GAN: variants seen among roughly 807,000 people sequenced by gnomAD.
GAN encodes the protein gigaxonin.
A neutral mutation model predicts 71.3 loss-of-function variants in GAN; 48 were observed. That is an observed-to-expected ratio of 0.67 (90% CI 0.53 to 0.86). The LOEUF is 0.86. Ranked by LOEUF, GAN falls within the 40% of genes least tolerant of loss-of-function variation. GAN has a pLI of 0.00. For synonymous variants in GAN, 386 were observed against 276.8 expected, an observed-to-expected ratio of 1.39 and a Z score of -3.92; for missense variants, 928 against 770.1, an observed-to-expected ratio of 1.21 and a Z score of -2.43.
intron 9 of GAN, among the ~76,000 whole-genome samples, chr16:81,374,282 G>C (rs1371063192): frequency 2.6e-5 from 4 of 152,174 alleles, no homozygotes; most frequent in African/African-American, 4.8e-5. Context: ...GGTTAAGGTG[G>C]TATCTGTTAG....
At chr16:81,334,008 T>A (rs1235152597) in intron 1 of GAN, among the ~76,000 whole-genome samples, 2 of 152,238 alleles carry the variant, frequency 1.3e-5, no homozygotes, top group African/African-American at 2.4e-5. Context: ...AATTCACACT[T>A]GCCATGTTCT....
intron 1 of GAN, among the ~76,000 whole-genome samples, chr16:81,322,609 A>G (rs544618067): frequency 2.2e-4 from 34 of 152,364 alleles, no homozygotes; most frequent in Non-Finnish European, 4.7e-4. Context: ...TCTCTCAACT[A>G]CAAAGTTGTT....
intron 1 of GAN, among the ~76,000 whole-genome samples, chr16:81,331,503 C>CT (rs1171249802): frequency 6.6e-6 from 1 of 152,142 alleles, no homozygotes; most frequent in Admixed American, 6.5e-5. Context: ...TTTTTAAAAA[C>CT]TTTTTTAAAA....
At position 81,389,352 on chromosome 16, in the gene GAN, T is replaced by C. The variant is rs2150705074; in HGVS notation, c.*11756T>C. 1 of 152,354 alleles carries C rather than the reference T, an allele frequency of 6.6e-6. No individual in the cohort carries two copies. The highest frequency in any genetic ancestry group is 1.9e-4 in the East Asian group (1 of 5,190). The allele number at this position is 152,354 out of a possible 1,614,324, so 9.4% of individuals were successfully genotyped here. A position where few individuals can be genotyped will look rare whatever the true frequency, so the allele number is the denominator to read the frequency against. On this transcript the variant is annotated 3_prime_UTR_variant, in exon 11 of 11. Coordinates refer to ENST00000648994, the MANE Select transcript of GAN (RefSeq NM_022041.4). ...CCCTTTGTTTTTTGTATCATACCTT[T>C]TGTGAATTGTGACAACCATCCCGTA...
intron 1 of GAN, among the ~76,000 whole-genome samples, chr16:81,326,458 G>A (rs556302542): frequency 5.1e-4 from 78 of 152,278 alleles, no homozygotes; most frequent in African/African-American, 1.8e-3. Context: ...GTTTGAACCC[G>A]GGAGGCGGAG....
At chr16:81,340,533 C>G (rs753185032) in intron 1 of GAN, among the ~76,000 whole-genome samples, 1 of 152,114 alleles carries the variant, frequency 6.6e-6, no homozygotes, top group Non-Finnish European at 1.5e-5. Flanking sequence ...CACAGACCTG[C>G]AGCTGAGGGG....
Position 81,365,384 on chromosome 16 carries a change from C to A in GAN, c.1408C>A (p.Leu470Met). 1 of 1,613,534 alleles carries A rather than the reference C, an allele frequency of 6.2e-7. No homozygotes were observed. The change falls in exon 9 of 11, where the codon CTG becomes ATG. Residue 470 changes from leucine to methionine, a missense_variant. Physicochemically the swap from Leu to Met is conservative, Grantham distance 15. Coordinates refer to ENST00000648994, the MANE Select transcript of GAN (RefSeq NM_022041.4). ...GGTGGCCTGTGGAGTTGCTATGGAGCTGTATGTGTTTGGGGGAGTCCGAAG... is the reference window on the plus strand; with the variant it reads ...GGTGGCCTGTGGAGTTGCTATGGAGATGTATGTGTTTGGGGGAGTCCGAAG... The part of the protein sequence containing the change: ...GAVACGVAME[L>M]YVFGGVRSRE...
intron 5 of GAN, 80 bp downstream of exon 5, chr16:81,358,011 C>A: frequency 1.7e-6 from 2 of 1,195,556 alleles, no homozygotes; most frequent in South Asian, 1.2e-5. Flanking sequence ...TGACTCAGAG[C>A]CTTTTAAAGA....
intron 1 of GAN, among the ~76,000 whole-genome samples, chr16:81,322,983 T>A (rs1230693772): frequency 6.6e-6 from 1 of 152,170 alleles, no homozygotes; most frequent in Non-Finnish European, 1.5e-5. Context: ...TGAAAATCCT[T>A]AGAAAGTTCC....
intron 1 of GAN, among the ~76,000 whole-genome samples, chr16:81,334,456 T>G (rs1380638210): frequency 6.6e-6 from 1 of 152,168 alleles, no homozygotes; most frequent in South Asian, 2.1e-4. Flanking sequence ...CATCTCCGAA[T>G]CTTCCCAGGC....
At chr16:81,363,770 C>T (rs762822522) in intron 6 of GAN, 24 bp from the exon 7 acceptor site, 2 of 1,609,504 alleles carry the variant, frequency 1.2e-6, no homozygotes, top group South Asian at 2.2e-5. Context: ...CTTGTGTGTT[C>T]AGGGATCGCT....
At chr16:81,344,521 C>A (rs1178494625) in intron 1 of GAN, among the ~76,000 whole-genome samples, 1 of 152,142 alleles carries the variant, frequency 6.6e-6, no homozygotes, top group African/African-American at 2.4e-5. Flanking sequence ...GGAAAGATTC[C>A]CTATTTAATA....
Position 81,384,436 on chromosome 16 carries a change from T to G in GAN, c.*6840T>G, listed in dbSNP as rs1027589665. On this transcript the variant is annotated 3_prime_UTR_variant, in exon 11 of 11. Transcript: ENST00000648994. ...AGTCTTTAAAAGGCTGTTTTCATAA[T>G]GCAGAAAAGTAGTCTATTTAAACGC... 6.6e-6 allele frequency: 1 copy of G among 152,114 alleles called. No homozygotes were observed. The highest frequency in any genetic ancestry group is 1.5e-5 in the Non-Finnish European group (1 of 68,028). 9.4% of individuals were successfully genotyped at this position (152,114 alleles called of 1,614,324 possible).
intron 4 of GAN, 53 bp downstream of exon 4, chr16:81,357,055 C>A: frequency 9.7e-7 from 1 of 1,035,424 alleles, no homozygotes; most frequent in Non-Finnish European, 1.5e-6. Flanking sequence ...AGAGGTAGTT[C>A]CATGTAAACA....
intron 1 of GAN, among the ~76,000 whole-genome samples, chr16:81,346,091 A>T (rs1425546405): frequency 6.6e-6 from 1 of 152,288 alleles, no homozygotes; most frequent in East Asian, 1.9e-4. Context: ...TTTTGGAGAT[A>T]CCTCCTCTAA....
intron 1 of GAN, among the ~76,000 whole-genome samples, chr16:81,331,898 C>G (rs1011329698): frequency 1.3e-5 from 2 of 152,224 alleles, no homozygotes; most frequent in Non-Finnish European, 2.9e-5. Context: ...CGTGGTGGCT[C>G]ATGCCTGTAA....
chr16:81,362,743 C>G lies in GAN; in HGVS notation c.1086+132C>G, dbSNP rs1053749441. ...ACCTGCCTCATTCGCTCCAACCTCT[C>G]CTTCTAGTGCCCGGCTCTCCTCCCC... On this transcript the variant is annotated intron_variant, in intron 6 of 10. Transcript: ENST00000648994. 43 of 706,632 alleles carry G rather than the reference C, an allele frequency of 6.1e-5. No individual in the cohort carries two copies. In the African/African-American group the frequency reaches 6.3e-4, roughly 10 times the overall value. 43.8% of individuals were successfully genotyped at this position (706,632 alleles called of 1,614,324 possible). A position where few individuals can be genotyped will look rare whatever the true frequency, so the allele number is the denominator to read the frequency against.
At chr16:81,315,882 C>T (rs1457698037) in intron 1 of GAN, among the ~76,000 whole-genome samples, 1 of 152,256 alleles carries the variant, frequency 6.6e-6, no homozygotes, top group Non-Finnish European at 1.5e-5. Flanking sequence ...GTAGTCCGAA[C>T]CTCCGGGCGA....
At chr16:81,356,299 T>G (rs1362211102) in intron 3 of GAN, among the ~76,000 whole-genome samples, 1 of 152,224 alleles carries the variant, frequency 6.6e-6, no homozygotes, top group Non-Finnish European at 1.5e-5. Flanking sequence ...CAAAAATGAT[T>G]ATATAGTACT....
Sources: allele counts gnomAD v4.1 joint callset (sites outside exome capture counted in the v4.1 genomes callset), GRCh38; gene constraint gnomAD v4.1.1; transcripts MANE v1.5; gene names NCBI Gene and HGNC (gene_info 2026-07-23, HGNC 2026-07-21).